Variants in ESR1 observed in about 807,000 individuals in gnomAD.
ESR1 encodes the protein estrogen receptor 1, also known as estrogen receptor.
Under a neutral mutation model 52.7 loss-of-function variants are expected in ESR1, and 12 were observed. The ratio of observed to expected loss-of-function variants is 0.23; its 90% CI spans 0.15 to 0.37. The LOEUF is 0.37. Among genes scored for constraint, ESR1 ranks in the 10% least tolerant of loss-of-function variants. The pLI is 1.00. For synonymous variants in ESR1, 305 were observed against 316.8 expected (o/e 0.96, Z 0.39); for missense variants, 584 against 779.7 (o/e 0.75, Z 2.99).
chr6:152,016,896 A>G (rs2043211729), intron 5 of ESR1, among the ~76,000 whole-genome samples: 1 of 152,124 alleles, frequency 6.6e-6, no homozygotes, highest in Non-Finnish European at 1.5e-5. Flanking sequence ...TAGGGGGGAA[A>G]GATAGCTTGA....
chr6:152,117,090 T>C (rs2051219528), intron 6 of ESR1, among the ~76,000 whole-genome samples: 1 of 152,190 alleles, frequency 6.6e-6, no homozygotes, highest in South Asian at 2.1e-4. Context: ...TAATATTGAT[T>C]CTTTGAGCCA....
At chr6:151,715,268 C>A (rs1354925032) in intron 2 of ESR1, among the ~76,000 whole-genome samples, 9 of 152,196 alleles carry the variant, frequency 5.9e-5, no homozygotes, top group Admixed American at 3.9e-4. Context: ...CTGCACTTAA[C>A]ATTTTTTCCT....
intron 4 of ESR1, among the ~76,000 whole-genome samples, chr6:151,961,507 A>C (rs2037656397): frequency 6.6e-6 from 1 of 152,162 alleles, no homozygotes; most frequent in Non-Finnish European, 1.5e-5. Context: ...GCTCTTTCAA[A>C]GGAGGGAGAT....
intron 2 of ESR1, among the ~76,000 whole-genome samples, chr6:151,766,246 C>T (rs535220930): frequency 3.3e-5 from 5 of 152,224 alleles, no homozygotes; most frequent in South Asian, 2.1e-4. Context: ...AAAGAAGGAG[C>T]GATTCAGAGG....
intron 1 of ESR1, among the ~76,000 whole-genome samples, chr6:151,829,406 G>T (rs1249049844): frequency 6.6e-6 from 1 of 151,782 alleles, no homozygotes. Context: ...GTTTTCTGAT[G>T]CCTCATTTTA....
Position 151,971,029 on chromosome 6 carries a change from T to C in ESR1, c.1096+26521T>C, listed in dbSNP as rs2038857646. ...GATTTCCTTCAGGCTGTAGGCATAT[T>C]TGATTCATTTTTGTACTCCATGAGT... On this transcript the variant is annotated intron_variant, in intron 4 of 7. Transcript: ENST00000206249. Among the ~76,000 whole-genome samples the C allele has an allele frequency of 1.3e-5, 2 of 152,216 alleles. 1 individual carries two copies. The highest frequency in any genetic ancestry group is 1.3e-4 in the Admixed American group (2 of 15,280).
At chr6:151,807,105 A>T (rs942042047), upstream of ESR1, 1 of 152,418 alleles carries the variant, frequency 6.6e-6, no homozygotes, top group Non-Finnish European at 1.5e-5. Context: ...CTCTTCCTAT[A>T]TGTATACCCT....
chr6:151,959,366 C>T (rs2037388455), intron 4 of ESR1, among the ~76,000 whole-genome samples: 1 of 152,206 alleles, frequency 6.6e-6, no homozygotes, highest in South Asian at 2.1e-4. Flanking sequence ...TTTTTCTATC[C>T]ATGAACAACG....
At chr6:151,729,621 G>T (rs1320381419) in intron 2 of ESR1, among the ~76,000 whole-genome samples, 1 of 152,204 alleles carries the variant, frequency 6.6e-6, no homozygotes, top group African/African-American at 2.4e-5. Context: ...CTGTGCTAAA[G>T]TGATTTACCC....
chr6:151,755,927 A>G (rs973690777), intron 2 of ESR1, among the ~76,000 whole-genome samples: 1 of 151,954 alleles, frequency 6.6e-6, no homozygotes, highest in African/African-American at 2.4e-5. Context: ...CACCGCGCCC[A>G]GCCATGACTC....
At chr6:152,018,474 T>C (rs1490979902) in intron 5 of ESR1, among the ~76,000 whole-genome samples, 1 of 151,698 alleles carries the variant, frequency 6.6e-6, no homozygotes, top group Non-Finnish European at 1.5e-5. Flanking sequence ...TCCACGTGTG[T>C]TTTTGATTCA....
chr6:151,763,882 C>G (rs1408197007), intron 2 of ESR1, among the ~76,000 whole-genome samples: 1 of 152,128 alleles, frequency 6.6e-6, no homozygotes, highest in African/African-American at 2.4e-5. Flanking sequence ...GTACAACTTA[C>G]CTGCGCCAGA....
intron 3 of ESR1, among the ~76,000 whole-genome samples, chr6:151,902,462 A>G (rs914440435): frequency 2.0e-5 from 3 of 152,222 alleles, no homozygotes; most frequent in Non-Finnish European, 4.4e-5. Flanking sequence ...CAACTACCCC[A>G]TAAAGCTATT....
In ESR1 at chr6:152,084,275, G is replaced by A. The variant is rs1488715226; in HGVS notation, c.1370-10110G>A. On this transcript the variant is annotated intron_variant, in intron 6 of 7. Transcript: ENST00000206249. ...CATCACACACCGGGGCCTGTCAGGG[G>A]TTGGGGGGCTGGGGGAGGGATAGCA... Among the ~76,000 whole-genome samples the A allele has an allele frequency of 1.3e-5, 2 of 151,034 alleles. 1 individual carries two copies. Among genetic ancestry groups the A allele is most frequent in the Admixed American group, 1.3e-4 (2 of 15,138 alleles).
chr6:152,037,939 A>G (rs150704409), intron 5 of ESR1, among the ~76,000 whole-genome samples: 4 of 152,180 alleles, frequency 2.6e-5, no homozygotes, highest in African/African-American at 7.2e-5. Flanking sequence ...GGATAGATGT[A>G]TATATGAAAA....
intron 3 of ESR1, among the ~76,000 whole-genome samples, chr6:151,881,833 A>G (rs1404493909): frequency 2.6e-5 from 4 of 151,890 alleles, no homozygotes; most frequent in Admixed American, 2.6e-4. Flanking sequence ...CAGTGAACTG[A>G]GATGGCGCCA....
At chr6:151,710,250 T>C (rs1385485775) in intron 2 of ESR1, among the ~76,000 whole-genome samples, 4 of 151,934 alleles carry the variant, frequency 2.6e-5, no homozygotes, top group Non-Finnish European at 5.9e-5. Context: ...ATATTATTTA[T>C]AATGTTAGCC....
chr6:152,071,382 C>T (rs2128986860), intron 6 of ESR1, among the ~76,000 whole-genome samples: 1 of 152,260 alleles, frequency 6.6e-6, no homozygotes, highest in East Asian at 1.9e-4. Context: ...TATGTTACTG[C>T]AAAGGAGTGT....
intron 6 of ESR1, among the ~76,000 whole-genome samples, chr6:152,073,555 A>G (rs540858272): frequency 6.6e-6 from 1 of 152,314 alleles, no homozygotes; most frequent in South Asian, 2.1e-4. Flanking sequence ...TCTCCACACC[A>G]TCCTGCACCC....
Sources: gnomAD v4.1 joint callset for allele counts (sites outside exome capture counted in the v4.1 genomes callset) on GRCh38, gnomAD v4.1.1 for gene constraint, MANE v1.5 for transcripts, NCBI Gene and HGNC (gene_info 2026-07-23, HGNC 2026-07-21) for gene names.